The following SLC24A2 variants were observed in gnomAD, a reference collection of about 807,000 sequenced individuals.
SLC24A2 encodes the protein sodium/potassium/calcium exchanger 2.
Under a neutral mutation model 62.0 loss-of-function variants are expected in SLC24A2, and 36 were observed. The ratio of observed to expected loss-of-function variants is 0.58; its 90% CI spans 0.44 to 0.77. The LOEUF is 0.77. SLC24A2 is among the 30% of genes least tolerant of loss of function. The pLI is 0.00. For synonymous variants in SLC24A2, 358 were observed against 294.0 expected, an observed-to-expected ratio of 1.22 and a Z score of -2.23; for missense variants, 846 against 817.9, an observed-to-expected ratio of 1.03 and a Z score of -0.42.
At chr9:20,003,759 G>C in the SLC24A2 span, among the ~76,000 whole-genome samples, 1 of 152,184 alleles carries the variant, frequency 6.6e-6, no homozygotes, top group East Asian at 1.9e-4. Flanking sequence ...GGATGTAGCT[G>C]TATTCCAATA....
At chr9:19,870,114 C>G in the SLC24A2 span, among the ~76,000 whole-genome samples, 2 of 152,124 alleles carry the variant, frequency 1.3e-5, no homozygotes, top group Admixed American at 6.5e-5. Context: ...GGCCACCACC[C>G]CTATCTAGTT....
chr9:20,213,990 C>G, the SLC24A2 span, among the ~76,000 whole-genome samples: 1 of 152,160 alleles, frequency 6.6e-6, no homozygotes, highest in Non-Finnish European at 1.5e-5. Flanking sequence ...ACTTATTTCG[C>G]TTGTCATAAT....
In SLC24A2 at chr9:19,660,488, T is replaced by C. The variant is rs1234714077; in HGVS notation, c.931-38189A>G. On this transcript the variant is annotated intron_variant, in intron 2 of 10. Transcript: ENST00000341998. Reference sequence around the variant, plus strand: ...CAGAAGTGAGAAAGTTCTCAAAATATAGGAGGGAGGGCAAGAAAGGGAAAA... The same window carrying C: ...CAGAAGTGAGAAAGTTCTCAAAATACAGGAGGGAGGGCAAGAAAGGGAAAA... Among the ~76,000 whole-genome samples the C allele has an allele frequency of 3.3e-5, 5 of 152,202 alleles. No homozygotes were observed. In the East Asian group the frequency reaches 5.8e-4, roughly 18 times the overall value.
chr9:19,736,200 TG>T (rs1275590242), intron 2 of SLC24A2, among the ~76,000 whole-genome samples: 1 of 151,956 alleles, frequency 6.6e-6, no homozygotes. Context: ...AAAATAGGGA[TG>T]GGAAACAAAA....
the SLC24A2 span, among the ~76,000 whole-genome samples, chr9:19,873,357 T>C: frequency 6.6e-6 from 1 of 151,606 alleles, no homozygotes; most frequent in South Asian, 2.1e-4. Context: ...TTTCTTTCCT[T>C]CCTTCTCTTT....
At chr9:19,569,538 A>G (rs1453600140) in intron 7 of SLC24A2, among the ~76,000 whole-genome samples, 2 of 152,104 alleles carry the variant, frequency 1.3e-5, no homozygotes, top group East Asian at 1.9e-4. Flanking sequence ...CTCCACGTCT[A>G]TCACACCAGT....
chr9:19,788,653 C>T, intron 1 of SLC24A2: 1 of 985,442 alleles, frequency 1.0e-6, no homozygotes, highest in Non-Finnish European at 1.2e-6. Flanking sequence ...GCAGGCCCTG[C>T]CCCACGCCCC....
chr9:20,078,708 T>G, the SLC24A2 span, among the ~76,000 whole-genome samples: 1 of 152,130 alleles, frequency 6.6e-6, no homozygotes, highest in Admixed American at 6.5e-5. Context: ...CCAGTTTAGC[T>G]CTGACCTTTC....
chr9:19,733,054 C>A (rs1182657), intron 2 of SLC24A2, among the ~76,000 whole-genome samples: 76,553 of 151,216 alleles, frequency 0.51, 20,088 homozygotes, highest in East Asian at 0.74. Context: ...ATAAGGATGA[C>A]ACATTTTAGA....
At chr9:19,850,946 C>CATATATATATATAT in the SLC24A2 span, among the ~76,000 whole-genome samples, 1 of 24,720 alleles carries the variant, frequency 4.0e-5, no homozygotes, top group East Asian at 5.3e-4. Context: ...TATATATATA[C>CATATATATATATAT]ATATATATAT....
chr9:19,566,011 C>T (rs1156918650), intron 7 of SLC24A2, among the ~76,000 whole-genome samples: 1 of 151,924 alleles, frequency 6.6e-6, no homozygotes, highest in Admixed American at 6.6e-5. Context: ...CCATAAAAAC[C>T]CTGGAAGAAA....
In SLC24A2 at chr9:19,545,584, T is replaced by C. The variant is rs539628943; in HGVS notation, c.1479+4553A>G. On this transcript the variant is annotated intron_variant, in intron 8 of 10. Coordinates refer to ENST00000341998, the MANE Select transcript of SLC24A2 (RefSeq NM_020344.4). ...ATTTATCTACCGTCGGTCTTTGTAG[T>C]CAGTGACCTTCGGATGGGGTCTCTG... Among the ~76,000 whole-genome samples, 6 of 152,208 alleles carry C rather than the reference T, an allele frequency of 3.9e-5. No homozygotes were observed. In the South Asian group the frequency reaches 1.0e-3, roughly 26 times the overall value.
chr9:20,285,940 T>G, the SLC24A2 span, among the ~76,000 whole-genome samples: 1 of 152,212 alleles, frequency 6.6e-6, no homozygotes, highest in African/African-American at 2.4e-5. Context: ...CACCTTGATC[T>G]TGGACTTCCA....
chr9:19,761,529 C>T (rs555745916), intron 2 of SLC24A2, among the ~76,000 whole-genome samples: 6 of 151,666 alleles, frequency 4.0e-5, no homozygotes, highest in East Asian at 1.9e-4. Flanking sequence ...ATGTGCACAA[C>T]GTGCAGGTTT....
the SLC24A2 span, among the ~76,000 whole-genome samples, chr9:20,239,187 G>C: frequency 6.6e-6 from 1 of 152,182 alleles, no homozygotes; most frequent in Non-Finnish European, 1.5e-5. Flanking sequence ...GTGGACTGAG[G>C]CTAGGGTTGC....
the SLC24A2 span, among the ~76,000 whole-genome samples, chr9:19,836,176 CA>C: frequency 2.0e-5 from 3 of 151,960 alleles, no homozygotes; most frequent in Non-Finnish European, 4.4e-5. Flanking sequence ...ACTAGAGAAG[CA>C]AGAGCAAACA....
intron 4 of SLC24A2, among the ~76,000 whole-genome samples, chr9:19,597,947 A>C (rs1836743159): frequency 6.6e-6 from 1 of 152,164 alleles, no homozygotes; most frequent in Non-Finnish European, 1.5e-5. Context: ...TGCTATGTAA[A>C]CAGCAGGAGG....
At chr9:19,949,877 A>G in the SLC24A2 span, among the ~76,000 whole-genome samples, 1 of 152,208 alleles carries the variant, frequency 6.6e-6, no homozygotes, top group Admixed American at 6.5e-5. Context: ...ACCAGTCTGC[A>G]TGTTTATGAA....
chr9:20,099,151 G>A, the SLC24A2 span, among the ~76,000 whole-genome samples: 1 of 152,192 alleles, frequency 6.6e-6, no homozygotes, highest in Non-Finnish European at 1.5e-5. Flanking sequence ...ACATGGCATA[G>A]GTTTCCCAAG....
Sources: allele counts gnomAD v4.1 joint callset (sites outside exome capture counted in the v4.1 genomes callset), GRCh38; gene constraint gnomAD v4.1.1; transcripts MANE v1.5; gene names NCBI Gene and HGNC (gene_info 2026-07-23, HGNC 2026-07-21).